The following TSPAN9 variants were observed in gnomAD, a reference collection of about 807,000 sequenced individuals.
TSPAN9 encodes tetraspanin 9.
TSPAN9 carries 16 observed loss-of-function variants against 31.0 expected under a neutral mutation model. The observed-to-expected ratio is 0.52, with a 90% CI of 0.35 to 0.78. The LOEUF is 0.78. Among genes scored for constraint, TSPAN9 ranks in the 30% least tolerant of loss-of-function variants. The pLI is 0.01. For synonymous variants in TSPAN9, 145 were observed against 121.6 expected, an observed-to-expected ratio of 1.19 and a Z score of -1.27; for missense variants, 272 against 312.5, an observed-to-expected ratio of 0.87 and a Z score of 0.98.
At chr12:3,240,860 A>T (rs1035635028) in intron 3 of TSPAN9, among the ~76,000 whole-genome samples, 1 of 152,226 alleles carries the variant, frequency 6.6e-6, no homozygotes, top group African/African-American at 2.4e-5. Context: ...CTGTATAAAA[A>T]AAATAGTAGC....
chr12:3,218,666 A>C (rs1281846027), intron 3 of TSPAN9, among the ~76,000 whole-genome samples: 1 of 152,186 alleles, frequency 6.6e-6, no homozygotes. Flanking sequence ...AGGAGAAGGC[A>C]CCAGGAAGGC....
intron 3 of TSPAN9, among the ~76,000 whole-genome samples, chr12:3,275,011 G>T (rs929407523): frequency 3.3e-5 from 5 of 152,238 alleles, no homozygotes; most frequent in Non-Finnish European, 5.9e-5. Context: ...GGGAAAGGAA[G>T]CAGATTTGGG....
At chr12:3,245,001 G>A (rs138943587) in intron 3 of TSPAN9, among the ~76,000 whole-genome samples, 6 of 152,294 alleles carry the variant, frequency 3.9e-5, no homozygotes, top group South Asian at 2.1e-4. Context: ...TGGGCATCCC[G>A]GTCTTTCCAA....
intron 2 of TSPAN9, among the ~76,000 whole-genome samples, chr12:3,084,481 G>T (rs1205175396): frequency 6.6e-6 from 1 of 152,148 alleles, no homozygotes; most frequent in Non-Finnish European, 1.5e-5. Flanking sequence ...AATGGTGCTG[G>T]CTGGTGGCTC....
chr12:3,169,922 C>T (rs923524895), intron 2 of TSPAN9, among the ~76,000 whole-genome samples: 3 of 151,824 alleles, frequency 2.0e-5, no homozygotes, highest in Non-Finnish European at 2.9e-5. Context: ...TCCACTTGAA[C>T]CCAACCATGG....
chr12:3,185,526 G>A (rs180909769), intron 2 of TSPAN9, among the ~76,000 whole-genome samples: 7 of 152,294 alleles, frequency 4.6e-5, no homozygotes, highest in African/African-American at 1.7e-4. Context: ...GTAGAGAAGG[G>A]GTGGTGGTAA....
chr12:3,129,041 T>TA (rs1357798933), intron 2 of TSPAN9, among the ~76,000 whole-genome samples: 1 of 152,226 alleles, frequency 6.6e-6, no homozygotes. Context: ...GTGACTGGCT[T>TA]ACTTCACTTA....
At chr12:3,182,483 A>G (rs1245412318) in intron 2 of TSPAN9, among the ~76,000 whole-genome samples, 1 of 148,494 alleles carries the variant, frequency 6.7e-6, no homozygotes, top group Non-Finnish European at 1.5e-5. Flanking sequence ...TTTTTTCACT[A>G]GATACCACCA....
chr12:3,279,041 T>A lies in TSPAN9; in HGVS notation c.305T>A (p.Ile102Asn). Residue 102 changes from isoleucine (I) to asparagine (N), a missense_variant, in exon 5 of 9, where the codon ATC becomes AAC. Coordinates refer to ENST00000011898, the MANE Select transcript of TSPAN9 (RefSeq NM_006675.5). ...CTCCTAGCAGAGCTGATCTTACTCA[T>A]CCTCTTCTTTGTCTACATGGACAAG... Reference protein sequence around the residue: ...VILLAELILLILFFVYMDKVN... With the variant: ...VILLAELILLNLFFVYMDKVN... The A allele has an allele frequency of 6.2e-7, 1 of 1,614,108 alleles. No homozygotes were observed. The highest frequency in any genetic ancestry group is 8.5e-7 in the Non-Finnish European group (1 of 1,180,020).
chr12:3,091,148 C>G (rs540817103), intron 2 of TSPAN9, among the ~76,000 whole-genome samples: 1 of 152,346 alleles, frequency 6.6e-6, no homozygotes, highest in East Asian at 1.9e-4. Flanking sequence ...AGGTCTTTAA[C>G]AAAGCTAGTC....
Position 3,283,380 on chromosome 12 carries a change from T to G in TSPAN9, c.*264T>G. ...ATTTGCCAAAGACGACAGGGTGGGC[T>G]GGGGTGCGCTCCGGAGGAACCCCCG... is the stretch of plus-strand genomic sequence containing the variant. On this transcript the variant is annotated 3_prime_UTR_variant, in exon 9 of 9. Transcript: ENST00000011898. The G allele has an allele frequency of 2.3e-6, 1 of 431,960 alleles. No homozygotes were observed. The highest frequency in any genetic ancestry group is 4.2e-5 in the Admixed American group (1 of 24,030). The allele number at this position is 431,960 out of a possible 1,614,324, so 26.8% of individuals were successfully genotyped here.
intron 2 of TSPAN9, among the ~76,000 whole-genome samples, chr12:3,118,673 G>C (rs1338165704): frequency 6.6e-6 from 1 of 151,146 alleles, no homozygotes; most frequent in East Asian, 1.9e-4. Context: ...GCAGCCCTTG[G>C]CCTCCTTGGC....
intron 2 of TSPAN9, among the ~76,000 whole-genome samples, chr12:3,087,295 G>C (rs1002758140): frequency 6.6e-6 from 1 of 152,154 alleles, no homozygotes; most frequent in Non-Finnish European, 1.5e-5. Flanking sequence ...CAAGGCGGGA[G>C]CATTGCTTGA....
intron 3 of TSPAN9, among the ~76,000 whole-genome samples, chr12:3,256,043 C>T (rs1369906618): frequency 6.6e-6 from 1 of 152,162 alleles, no homozygotes; most frequent in Non-Finnish European, 1.5e-5. Flanking sequence ...GGAGGTACCT[C>T]CTGCACCCAG....
rs371076793 is a variant in TSPAN9, at chr12:3,109,083, T to G, written c.-18+25364T>G. On this transcript the variant is annotated intron_variant, in intron 2 of 8. Coordinates refer to ENST00000011898, the MANE Select transcript of TSPAN9 (RefSeq NM_006675.5). ...CCCGAGTAGCTGGGACTACAGGCAC[T>G]CGCCACCACGCCCGGCTAATTTTTT... Among the ~76,000 whole-genome samples the G allele has an allele frequency of 3.6e-3, 552 of 151,952 alleles. 12 individuals are homozygous for G. The highest frequency in any genetic ancestry group is 0.03 in the Admixed American group (461 of 15,262).
chr12:3,148,562 G>A (rs2098338347), intron 2 of TSPAN9, among the ~76,000 whole-genome samples: 1 of 152,216 alleles, frequency 6.6e-6, no homozygotes, highest in South Asian at 2.1e-4. Flanking sequence ...GGTTGTGTGG[G>A]GCTGTCTGCT....
chr12:3,249,187 T>C (rs139173006), intron 3 of TSPAN9, among the ~76,000 whole-genome samples: 41 of 152,324 alleles, frequency 2.7e-4, no homozygotes, highest in African/African-American at 8.2e-4. Flanking sequence ...GTAGAATTCA[T>C]GTTCCTCCAT....
At chr12:3,200,833 G>C in intron 2 of TSPAN9, 1 of 211,754 alleles carries the variant, frequency 4.7e-6, no homozygotes, top group Non-Finnish European at 9.3e-6. Flanking sequence ...CGGCCCCCCC[G>C]CAGCCCGCGC....
At chr12:3,272,281 G>A (rs369877490) in intron 3 of TSPAN9, among the ~76,000 whole-genome samples, 40 of 152,152 alleles carry the variant, frequency 2.6e-4, no homozygotes, top group African/African-American at 9.4e-4. Context: ...GGAAGACGGG[G>A]TGAAGAGGAG....
Sources: gnomAD v4.1 joint callset for allele counts (sites outside exome capture counted in the v4.1 genomes callset) on GRCh38, gnomAD v4.1.1 for gene constraint, MANE v1.5 for transcripts, NCBI Gene and HGNC (gene_info 2026-07-23, HGNC 2026-07-21) for gene names.